TJP1: variants seen among roughly 807,000 people sequenced by gnomAD.
The protein encoded by TJP1 is tight junction protein 1, also known as tight junction protein ZO-1.
TJP1 carries 43 observed loss-of-function variants against 194.2 expected under a neutral mutation model. The ratio of observed to expected loss-of-function variants is 0.22; its 90% CI spans 0.17 to 0.29. The LOEUF (loss-of-function observed/expected upper bound fraction) is 0.29. Ranked by LOEUF, TJP1 falls within the 10% of genes least tolerant of loss-of-function variation. The probability of loss-of-function intolerance (pLI) is 1.00; values close to 1 mark genes in which losing one functional copy is unlikely to be tolerated. For missense variants in TJP1, 1,971 were observed against 2,185.7 expected (o/e 0.90, Z 1.96); for synonymous variants, 801 against 779.0 (o/e 1.03, Z -0.47).
At chr15:29,700,042 C>T (rs45452501), downstream of TJP1, 17,568 of 362,256 alleles carry the variant, frequency 0.048, 482 homozygotes, top group South Asian at 0.074. Context: ...CACCAGACGA[C>T]GAGGTGGTAG....
intron 2 of TJP1, among the ~76,000 whole-genome samples, chr15:29,889,392 A>G (rs1045060624): frequency 2.6e-5 from 4 of 152,252 alleles, no homozygotes; most frequent in African/African-American, 9.6e-5. Context: ...CTACAAATGT[A>G]GTTTTAAATG....
chr15:29,824,081 CAAAAAAAAAAAAAAAAAAAAAAA>C (rs71416434), upstream of TJP1: 4 of 12,828 alleles, frequency 3.1e-4, 1 homozygote, highest in African/African-American at 1.5e-3. Flanking sequence ...GACTCTGTCT[CAAAAAAAAAAAAAAAAAAAAAAA>C]AAAAAAAAAA....
At chr15:29,914,907 C>T (rs2054137362) in intron 2 of TJP1, among the ~76,000 whole-genome samples, 1 of 152,080 alleles carries the variant, frequency 6.6e-6, no homozygotes, top group South Asian at 2.1e-4. Context: ...CACACACAGG[C>T]ACACACTCAC....
intron 7 of TJP1, 60 bp downstream of exon 7, chr15:29,761,541 C>A (rs1157307481): frequency 6.6e-7 from 1 of 1,526,640 alleles, no homozygotes; most frequent in Non-Finnish European, 8.8e-7. Context: ...TGTTCAATCT[C>A]CCTAGTATTT....
intron 2 of TJP1, among the ~76,000 whole-genome samples, chr15:29,796,340 TAA>T (rs535486616): frequency 1.2e-5 from 1 of 83,144 alleles, no homozygotes; most frequent in Non-Finnish European, 2.5e-5. Flanking sequence ...AAGGTTGCTA[TAA>T]AAAAAAAAAC....
chr15:29,946,831 T>A (rs1281859368), intron 2 of TJP1, among the ~76,000 whole-genome samples: 1 of 152,180 alleles, frequency 6.6e-6, no homozygotes, highest in Non-Finnish European at 1.5e-5. Context: ...TGTCAGAAAT[T>A]GGGGAAGCAA....
At chr15:29,908,176 C>T (rs879919852) in intron 2 of TJP1, among the ~76,000 whole-genome samples, 7 of 145,896 alleles carry the variant, frequency 4.8e-5, no homozygotes, top group Non-Finnish European at 9.0e-5. Context: ...TTTCGAAGGA[C>T]ATTTTCTATT....
rs563507329 is a variant in TJP1, at chr15:29,834,058, T to G, written c.307-33356A>C. Among the ~76,000 whole-genome samples, 4 of 145,130 alleles carry G rather than the reference T, an allele frequency of 2.8e-5. No individual in the cohort carries two copies. The East Asian group carries it at 6.1e-4, about 22-fold the overall frequency. ...CACCACGCCCGGCTAATTTTTTGTATTTTTAGTAGAGACAGGGTTTCACCA... is the reference window on the plus strand; with the variant it reads ...CACCACGCCCGGCTAATTTTTTGTAGTTTTAGTAGAGACAGGGTTTCACCA... On this transcript the variant is annotated intron_variant, in intron 2 of 28. Transcript: ENST00000356107.
chr15:29,817,586 T>G (rs1334117724), intron 1 of TJP1, among the ~76,000 whole-genome samples: 1 of 152,154 alleles, frequency 6.6e-6, no homozygotes, highest in Non-Finnish European at 1.5e-5. Context: ...CCAACCCAAA[T>G]GCCCACCAAT....
At chr15:29,741,786 A>G (rs2044439072) in intron 9 of TJP1, among the ~76,000 whole-genome samples, 1 of 152,214 alleles carries the variant, frequency 6.6e-6, no homozygotes, top group South Asian at 2.1e-4. Flanking sequence ...TTAAATAACC[A>G]TATTTCTGCC....
intron 2 of TJP1, among the ~76,000 whole-genome samples, chr15:29,888,233 T>G (rs1324594645): frequency 6.6e-6 from 1 of 152,064 alleles, no homozygotes; most frequent in Non-Finnish European, 1.5e-5. Flanking sequence ...AATATTTATT[T>G]AAACACTATT....
At chr15:29,753,484 A>C (rs1043462251) in intron 8 of TJP1, among the ~76,000 whole-genome samples, 16 of 61,400 alleles carry the variant, frequency 2.6e-4, no homozygotes, top group East Asian at 2.3e-3. Context: ...ACTCTGTGTC[A>C]AAAAAAAAAA....
At chr15:29,847,872 C>A (rs1260405836) in intron 2 of TJP1, among the ~76,000 whole-genome samples, 2 of 152,302 alleles carry the variant, frequency 1.3e-5, no homozygotes, top group Non-Finnish European at 2.9e-5. Flanking sequence ...GCTATGGCTG[C>A]ATCCCACATA....
chr15:29,720,115 C>T, intron 19 of TJP1, 99 bp from the exon 20 acceptor site: 1 of 1,446,586 alleles, frequency 6.9e-7, no homozygotes, highest in Non-Finnish European at 9.2e-7. Context: ...TTTAAGTGTG[C>T]TGAATAACAA....
chr15:29,711,106 T>G, intron 23 of TJP1, 106 bp from the exon 24 acceptor site: 1 of 1,336,246 alleles, frequency 7.5e-7, no homozygotes, highest in Admixed American at 2.5e-5. Flanking sequence ...AAACTAGAAA[T>G]TTCACAATTT....
chr15:29,928,655 A>C (rs901652613), intron 2 of TJP1, among the ~76,000 whole-genome samples: 1 of 152,132 alleles, frequency 6.6e-6, no homozygotes, highest in Non-Finnish European at 1.5e-5. Flanking sequence ...TAAAACACAC[A>C]CTTGTCGGCC....
At chr15:29,858,307 G>A (rs1398757277) in intron 2 of TJP1, among the ~76,000 whole-genome samples, 2 of 152,078 alleles carry the variant, frequency 1.3e-5, no homozygotes, top group African/African-American at 2.4e-5. Flanking sequence ...AGGCTGAGGT[G>A]GGAGGATAGC....
At chr15:29,870,145 C>T (rs2052462724) in intron 2 of TJP1, among the ~76,000 whole-genome samples, 1 of 151,680 alleles carries the variant, frequency 6.6e-6, no homozygotes, top group African/African-American at 2.4e-5. Context: ...TGTCCCTTTC[C>T]TCTTTCTAAT....
chr15:29,907,903 G>T (rs1302087945), intron 2 of TJP1, among the ~76,000 whole-genome samples: 1 of 151,664 alleles, frequency 6.6e-6, no homozygotes, highest in African/African-American at 2.4e-5. Flanking sequence ...TCAACCACAA[G>T]TTCTTCCATT....
Sources: gnomAD v4.1 joint callset for allele counts (sites outside exome capture counted in the v4.1 genomes callset) on GRCh38, gnomAD v4.1.1 for gene constraint, MANE v1.5 for transcripts, NCBI Gene and HGNC (gene_info 2026-07-23, HGNC 2026-07-21) for gene names.